The following GALNTL5 variants were observed in gnomAD, a reference collection of about 807,000 sequenced individuals.
GALNTL5 encodes polypeptide N-acetylgalactosaminyltransferase like 5.
GALNTL5 carries 44 observed loss-of-function variants against 51.0 expected under a neutral mutation model. That is an observed-to-expected ratio of 0.86 (90% CI 0.68 to 1.11). GALNTL5 has a LOEUF of 1.11. Among genes scored for constraint, GALNTL5 ranks in the 50% least tolerant of loss-of-function variants. The pLI is 0.00. For synonymous variants in GALNTL5, 192 were observed against 182.8 expected, an observed-to-expected ratio of 1.05 and a Z score of -0.41; for missense variants, 528 against 531.8, an observed-to-expected ratio of 0.99 and a Z score of 0.07.
chr7:152,008,122 T>C (rs570534643), intron 7 of GALNTL5, among the ~76,000 whole-genome samples, 178 bp downstream of exon 7: 1 of 152,046 alleles, frequency 6.6e-6, no homozygotes, highest in Non-Finnish European at 1.5e-5. Context: ...TAATAAAATA[T>C]TAGATTCTTG....
chr7:151,982,820 A>C, intron 3 of GALNTL5, 166 bp from the exon 4 acceptor site: 1 of 1,424,346 alleles, frequency 7.0e-7, no homozygotes, highest in Admixed American at 2.0e-5. Flanking sequence ...TAAGAAGTTA[A>C]ATAAATTTTT....
rs541040579 is a variant in GALNTL5, at chr7:152,006,784, G to A, written c.909-1043G>A. 4.6e-5 allele frequency among the ~76,000 whole-genome samples: 7 copies of A among 151,634 alleles called. No homozygotes were observed. In the East Asian group the frequency reaches 9.7e-4, roughly 21 times the overall value. On this transcript the variant is annotated intron_variant, in intron 6 of 8. Transcript: ENST00000392800. ...ATTATTTTTCTTTTTCTTTTTTTTG[G>A]GGGGGGCGGGACAGATTCTCACTCT...
intron 7 of GALNTL5, among the ~76,000 whole-genome samples, chr7:152,008,708 T>C (rs2081686183): frequency 6.6e-6 from 1 of 151,206 alleles, no homozygotes; most frequent in African/African-American, 2.4e-5. Flanking sequence ...TGATGGTCCC[T>C]CTTAAGCTTG....
intron 3 of GALNTL5, 113 bp from the exon 4 acceptor site, chr7:151,982,873 T>A (rs565418273): frequency 6.3e-7 from 1 of 1,591,772 alleles, no homozygotes; most frequent in African/African-American, 1.3e-5. Flanking sequence ...TAATTATCAG[T>A]TGAAGGAGTA....
At chr7:151,979,525 T>C (rs2081252881) in intron 3 of GALNTL5, among the ~76,000 whole-genome samples, 1 of 151,044 alleles carries the variant, frequency 6.6e-6, no homozygotes, top group Non-Finnish European at 1.5e-5. Flanking sequence ...AATGGCAGGA[T>C]CTTGGCTCAC....
In GALNTL5 at chr7:151,980,726, T is replaced by C. The variant is rs974655268; in HGVS notation, c.369-2260T>C. Among the ~76,000 whole-genome samples the C allele has an allele frequency of 4.8e-5, 7 of 145,266 alleles. No individual in the cohort carries two copies. The South Asian group carries it at 1.5e-3, about 32-fold the overall frequency. The stretch of plus-strand genomic sequence containing the variant: ...TTTTCCCCTTTCCGTGTGATTGCAG[T>C]GCTAACAATGATTTTTTTTTTTTTT... On this transcript the variant is annotated intron_variant, in intron 3 of 8. Coordinates refer to ENST00000392800, the MANE Select transcript of GALNTL5 (RefSeq NM_145292.4).
rs781645290 is a variant in GALNTL5, at chr7:151,971,073, G to A, written c.368+8G>A. 5.6e-6 allele frequency: 9 copies of A among 1,600,796 alleles called. No homozygotes were observed. The South Asian group carries it at 9.9e-5, about 18-fold the overall frequency. On this transcript the variant is annotated splice_region_variant and intron_variant, in intron 3 of 8. Coordinates refer to ENST00000392800, the MANE Select transcript of GALNTL5 (RefSeq NM_145292.4). ...AGATACCAGGAGTAAAATGTATGTT[G>A]TCTCTCTCTTTCTCTCATTCTCTAG...
chr7:152,011,735 C>T (rs2081741223), intron 7 of GALNTL5, among the ~76,000 whole-genome samples: 1 of 152,206 alleles, frequency 6.6e-6, no homozygotes, highest in Non-Finnish European at 1.5e-5. Context: ...TTAGGCAAGT[C>T]ACTCAACAGT....
intron 5 of GALNTL5, among the ~76,000 whole-genome samples, chr7:151,994,436 T>C (rs1054049984): frequency 1.3e-5 from 2 of 152,168 alleles, no homozygotes; most frequent in African/African-American, 4.8e-5. Flanking sequence ...ATTTGCATTA[T>C]TACAAAGCGA....
intron 7 of GALNTL5, among the ~76,000 whole-genome samples, chr7:152,011,662 A>C (rs1044864862): frequency 6.6e-6 from 1 of 152,230 alleles, no homozygotes; most frequent in African/African-American, 2.4e-5. Context: ...TGTGAAAACA[A>C]ACCATATGTT....
chr7:151,992,081 G>A (rs2081434833), intron 5 of GALNTL5, among the ~76,000 whole-genome samples: 1 of 152,154 alleles, frequency 6.6e-6, no homozygotes, highest in Non-Finnish European at 1.5e-5. Context: ...CTGGTACATA[G>A]GAATGAGATC....
chr7:151,966,353 C>T (rs1295305055), intron 1 of GALNTL5, among the ~76,000 whole-genome samples: 1 of 151,844 alleles, frequency 6.6e-6, no homozygotes, highest in Admixed American at 6.6e-5. Flanking sequence ...CTGCAACCTC[C>T]GCTTCCCAGG....
At chr7:151,963,590 G>A (rs2081019715) in intron 1 of GALNTL5, among the ~76,000 whole-genome samples, 1 of 152,060 alleles carries the variant, frequency 6.6e-6, no homozygotes, top group African/African-American at 2.4e-5. Context: ...TAGAGATGGG[G>A]TCTCACCATG....
Position 151,967,418 on chromosome 7 carries a change from T to A in GALNTL5, c.172T>A (p.Tyr58Asn). 6.2e-7 allele frequency: 1 copy of A among 1,614,078 alleles called. No homozygotes were observed. Among genetic ancestry groups the A allele is most frequent in the Non-Finnish European group, 8.5e-7 (1 of 1,179,974 alleles). Residue 58 changes from tyrosine to asparagine, a missense_variant, in exon 2 of 9, where the codon TAT becomes AAT. Transcript: ENST00000392800. ...PGKKVHQQII[Y>N]GSEQIPKPHV... ...AAAAAAAGTGCATCAGCAAATTATC[T>A]ATGGCTCAGAGCAAATACCAAAACC... is the stretch of plus-strand genomic sequence containing the variant.
chr7:151,986,244 A>G (rs1477875307), intron 4 of GALNTL5, among the ~76,000 whole-genome samples: 1 of 152,212 alleles, frequency 6.6e-6, no homozygotes, highest in Non-Finnish European at 1.5e-5. Flanking sequence ...GATAGTAGCA[A>G]ACCCAGATTG....
At chr7:151,977,662 C>T (rs7811095) in intron 3 of GALNTL5, among the ~76,000 whole-genome samples, 100,061 of 151,968 alleles carry the variant, frequency 0.66, 33,317 homozygotes, top group South Asian at 0.79. Context: ...ATATGATAAT[C>T]ACCTATTATG....
At chr7:152,008,101 T>C (rs533934901) in intron 7 of GALNTL5, among the ~76,000 whole-genome samples, 157 bp downstream of exon 7, 1 of 152,156 alleles carries the variant, frequency 6.6e-6, no homozygotes, top group South Asian at 2.1e-4. Context: ...CTTGTAAAAA[T>C]GGAAAACATT....
Position 151,987,192 on chromosome 7 carries a change from A to G in GALNTL5, c.569A>G (p.Glu190Gly). The G allele has an allele frequency of 6.3e-7, 1 of 1,598,298 alleles. No individual in the cohort carries two copies. The highest frequency in any genetic ancestry group is 8.5e-7 in the Non-Finnish European group (1 of 1,174,874). Residue 190 changes from glutamate to glycine, a missense_variant, in exon 5 of 9, where the codon GAA (glutamate) becomes GGA (glycine). Transcript: ENST00000392800. Reference protein sequence around the residue: ...DLKEKLDYHLETFRGKVKIIR... With the variant: ...DLKEKLDYHLGTFRGKVKIIR... Reference sequence around the variant, plus strand: ...AAAGAAAAACTAGACTATCACCTGGAAACTTTTCGGGGAAAGGTTAAAATA... The same window carrying G: ...AAAGAAAAACTAGACTATCACCTGGGAACTTTTCGGGGAAAGGTTAAAATA...
chr7:151,972,019 C>T (rs969336340), intron 3 of GALNTL5, among the ~76,000 whole-genome samples: 3 of 152,064 alleles, frequency 2.0e-5, no homozygotes, highest in Non-Finnish European at 4.4e-5. Context: ...AAAATAGGTA[C>T]CAGGAGTGGG....
Sources: gnomAD v4.1 joint callset for allele counts (sites outside exome capture counted in the v4.1 genomes callset) on GRCh38, gnomAD v4.1.1 for gene constraint, MANE v1.5 for transcripts, NCBI Gene and HGNC (gene_info 2026-07-23, HGNC 2026-07-21) for gene names.